The following KXD1 variants were observed in gnomAD, a reference collection of about 807,000 sequenced individuals.
The protein encoded by KXD1 is KxDL motif containing 1.
KXD1 carries 5 observed loss-of-function variants against 12.1 expected under a neutral mutation model. That is an observed-to-expected ratio of 0.41 (90% CI 0.22 to 0.87). The LOEUF (loss-of-function observed/expected upper bound fraction) is 0.87, where lower values mean the gene tolerates loss of function less well. Ranked by LOEUF, KXD1 falls within the 40% of genes least tolerant of loss-of-function variation. The pLI is 0.31. For synonymous variants in KXD1, 98 were observed against 100.5 expected, an observed-to-expected ratio of 0.98 and a Z score of 0.15; for missense variants, 193 against 244.9, an observed-to-expected ratio of 0.79 and a Z score of 1.41.
chr19:18,564,430 G>C lies in KXD1; in HGVS notation c.102-439G>C, dbSNP rs188681057. On this transcript the variant is annotated intron_variant, in intron 2 of 4. Coordinates refer to ENST00000222307, the MANE Select transcript of KXD1 (RefSeq NM_024069.4). Reference sequence around the variant, plus strand: ...AGGTCAGGAGATCGAGACCATCCTGGCTAACCTGGTGAAACCTCGTCTCTA... The same window carrying C: ...AGGTCAGGAGATCGAGACCATCCTGCCTAACCTGGTGAAACCTCGTCTCTA... 5.8e-4 allele frequency among the ~76,000 whole-genome samples: 88 copies of C among 152,158 alleles called. No homozygotes were observed. In the East Asian group the frequency reaches 0.016, roughly 28 times the overall value.
chr19:18,567,056 AG>A, intron 3 of KXD1, 75 bp from the exon 4 acceptor site: 1 of 1,394,660 alleles, frequency 7.2e-7, no homozygotes, highest in Non-Finnish European at 1.0e-6. Flanking sequence ...AGCTGGCAGC[AG>A]GGGCTTGTGG....
chr19:18,560,720 T>A (rs1974889799), intron 1 of KXD1, among the ~76,000 whole-genome samples: 1 of 152,062 alleles, frequency 6.6e-6, no homozygotes, highest in Non-Finnish European at 1.5e-5. Context: ...CCTTCTTTTT[T>A]TTTTTTGAGA....
At chr19:18,567,360 G>A (rs2145257824) in intron 4 of KXD1, 182 bp downstream of exon 4, 5 of 658,758 alleles carry the variant, frequency 7.6e-6, no homozygotes, top group Non-Finnish European at 1.1e-5. Flanking sequence ...AGCTGGCAGA[G>A]TGGGCACTAG....
intron 3 of KXD1, among the ~76,000 whole-genome samples, chr19:18,566,792 CAAAAA>C (rs112810621): frequency 6.8e-4 from 77 of 113,742 alleles, no homozygotes; most frequent in Non-Finnish European, 1.2e-3. Context: ...GATTCTGTCT[CAAAAA>C]AAAAAAAAAA....
chr19:18,566,943 G>A (rs1975271167), intron 3 of KXD1, among the ~76,000 whole-genome samples, 189 bp from the exon 4 acceptor site: 1 of 152,212 alleles, frequency 6.6e-6, no homozygotes, highest in Admixed American at 6.5e-5. Context: ...CGGCTGGTGG[G>A]CGACTGTCAG....
At chr19:18,565,044 G>GGGC (rs10692700) in intron 3 of KXD1, 23 bp downstream of exon 3, 961,908 of 1,596,224 alleles carry the variant, frequency 0.6, 292,206 homozygotes, top group African/African-American at 0.75. Flanking sequence ...TGCCACCCCA[G>GGGC]CCCAGCTGAC....
chr19:18,558,572 T>C (rs1977010187), intron 1 of KXD1: 1 of 152,230 alleles, frequency 6.6e-6, no homozygotes, highest in Non-Finnish European at 1.5e-5. Context: ...CCAGTCGTTA[T>C]CACCTTTGGT....
intron 1 of KXD1, chr19:18,560,111 TCTC>T (rs1600559633): frequency 6.6e-6 from 1 of 150,784 alleles, no homozygotes; most frequent in African/African-American, 2.4e-5. Flanking sequence ...TTCAAGCCAT[TCTC>T]CTGCCTCAGC....
intron 2 of KXD1, 114 bp downstream of exon 2, chr19:18,562,271 G>C (rs913626436): frequency 2.7e-5 from 20 of 736,010 alleles, no homozygotes; most frequent in African/African-American, 7.3e-5. Context: ...AAGGAAATGA[G>C]CAAATCTGTC....
chr19:18,568,351 C>T (rs1187055985), intron 4 of KXD1, 51 bp from the exon 5 acceptor site: 5 of 1,398,206 alleles, frequency 3.6e-6, no homozygotes, highest in Non-Finnish European at 5.0e-6. Context: ...AGTCCTACAT[C>T]ACAGAGCTTG....
rs901234915 is a variant in KXD1, at chr19:18,568,934, G to A, written c.*303G>A. 7 of 424,590 alleles carry A rather than the reference G, an allele frequency of 1.6e-5. No homozygotes were observed. The highest frequency in any genetic ancestry group is 1.3e-3 in the Middle Eastern group (2 of 1,502). The allele number at this position is 424,590 out of a possible 1,614,324, so 26.3% of individuals were successfully genotyped here. Reference sequence around the variant, plus strand: ...GAATTTTTCCAGAGCTGAGCCTGACGTCTGCTCTGAAGAATGCTTAGAAGG... The same window carrying A: ...GAATTTTTCCAGAGCTGAGCCTGACATCTGCTCTGAAGAATGCTTAGAAGG... On this transcript the variant is annotated 3_prime_UTR_variant, in exon 5 of 5. Coordinates refer to ENST00000222307, the MANE Select transcript of KXD1 (RefSeq NM_024069.4).
chr19:18,565,495 G>A (rs1310102972), intron 3 of KXD1, among the ~76,000 whole-genome samples: 1 of 152,118 alleles, frequency 6.6e-6, no homozygotes, highest in East Asian at 1.9e-4. Flanking sequence ...GCCTCCCAAA[G>A]TGCTGGGATT....
chr19:18,567,314 G>A, intron 4 of KXD1, 136 bp downstream of exon 4: 1 of 883,386 alleles, frequency 1.1e-6, no homozygotes, highest in Non-Finnish European at 1.8e-6. Context: ...ACCTGGGGTG[G>A]GGGCAGGGTC....
chr19:18,560,715 T>C (rs1600560759), intron 1 of KXD1, among the ~76,000 whole-genome samples: 2 of 19,178 alleles, frequency 1.0e-4, no homozygotes, highest in South Asian at 8.3e-4. Context: ...CTACTCCTTC[T>C]TTTTTTTTTT....
chr19:18,564,613 ACT>A (rs1600578992), intron 2 of KXD1, among the ~76,000 whole-genome samples: 1 of 152,036 alleles, frequency 6.6e-6, no homozygotes, highest in East Asian at 1.9e-4. Context: ...ACGAAGCAAG[ACT>A]CTGTCTCAAA....
In KXD1 at chr19:18,567,178, C is replaced by G; in HGVS notation, c.301C>G (p.His101Asp). The stretch of plus-strand genomic sequence containing the variant: ...CAGGCAGCACCCAGAGGCCTTCAGC[C>G]GTAAGTGTCACGCAGGGTTCCTGCT... ...LARQHPEAFS[H>D]IPEASFLEEE... The change falls in exon 4 of 5, where the codon CAT becomes GAT. Residue 101 changes from histidine (H) to aspartate (D), a missense_variant and splice_region_variant. By Grantham distance (81) the His-to-Asp change is moderately conservative. Coordinates refer to ENST00000222307, the MANE Select transcript of KXD1 (RefSeq NM_024069.4). 6.2e-7 allele frequency: 1 copy of G among 1,614,128 alleles called. No individual in the cohort carries two copies. Among genetic ancestry groups the G allele is most frequent in the Non-Finnish European group, 8.5e-7 (1 of 1,179,984 alleles).
At chr19:18,561,963 G>A (rs995237849) in intron 1 of KXD1, 73 bp from the exon 2 acceptor site, 5 of 937,622 alleles carry the variant, frequency 5.3e-6, no homozygotes, top group Admixed American at 2.7e-5. Context: ...AGCACATGGC[G>A]GTCCCGGCCT....
At chr19:18,561,885 A>T in intron 1 of KXD1, 151 bp from the exon 2 acceptor site, 1 of 513,834 alleles carries the variant, frequency 1.9e-6, no homozygotes. Flanking sequence ...CCTGAGGTTC[A>T]GGTGGCATGA....
intron 1 of KXD1, chr19:18,561,803 G>A (rs1464841682): frequency 2.9e-6 from 1 of 344,964 alleles, no homozygotes; most frequent in Non-Finnish European, 5.3e-6. Context: ...GGATTCTAAT[G>A]TGCTTGGGTA....
Sources: gnomAD v4.1 joint callset for allele counts (sites outside exome capture counted in the v4.1 genomes callset) on GRCh38, gnomAD v4.1.1 for gene constraint, MANE v1.5 for transcripts, NCBI Gene and HGNC (gene_info 2026-07-23, HGNC 2026-07-21) for gene names.